PKNOX2: variants seen among roughly 807,000 people sequenced by gnomAD.
PKNOX2 encodes homeobox protein PKNOX2.
A neutral mutation model predicts 53.1 loss-of-function variants in PKNOX2; 14 were observed. The observed-to-expected ratio is 0.26, with a 90% CI of 0.17 to 0.41. PKNOX2 has a LOEUF of 0.41. PKNOX2 is among the 10% of genes least tolerant of loss of function. The pLI is 1.00. For missense variants in PKNOX2, 496 were observed against 602.8 expected (o/e 0.82, Z 1.85); for synonymous variants, 257 against 242.8 (o/e 1.06, Z -0.54).
intron 9 of PKNOX2, 151 bp from the exon 10 acceptor site, chr11:125,411,595 T>A: frequency 8.7e-7 from 1 of 1,145,132 alleles, no homozygotes; most frequent in Non-Finnish European, 1.3e-6. Context: ...GGGGCTGGCA[T>A]GGGCTGAGAG....
chr11:125,380,938 G>A (rs1277363670), intron 5 of PKNOX2, among the ~76,000 whole-genome samples: 1 of 152,194 alleles, frequency 6.6e-6, no homozygotes. Flanking sequence ...CTTTAGGCAG[G>A]TACAGGCTGG....
At chr11:125,315,725 G>A (rs1179416807) in intron 2 of PKNOX2, among the ~76,000 whole-genome samples, 1 of 152,154 alleles carries the variant, frequency 6.6e-6, no homozygotes, top group East Asian at 1.9e-4. Context: ...TCAGTCCAGT[G>A]GTGGCTGGGC....
rs111693855 is a variant in PKNOX2, at chr11:125,200,438, C to T, written c.-200-34607C>T. Among the ~76,000 whole-genome samples, 598 of 152,338 alleles carry T rather than the reference C, an allele frequency of 3.9e-3. 4 individuals carry two copies. The highest frequency in any genetic ancestry group is 0.013 in the African/African-American group (557 of 41,580). ...CTGGCTTTGACTTTGACCCTTCCCT[C>T]GTTTCCTCGTAGCCCAGTGATAGGT... On this transcript the variant is annotated intron_variant, in intron 1 of 12. Coordinates refer to ENST00000298282, the MANE Select transcript of PKNOX2 (RefSeq NM_001382323.2).
intron 1 of PKNOX2, among the ~76,000 whole-genome samples, chr11:125,185,718 T>C (rs1223579160): frequency 1.3e-5 from 2 of 152,240 alleles, no homozygotes; most frequent in Non-Finnish European, 2.9e-5. Flanking sequence ...TAATATTTCA[T>C]TGAATGTAGA....
intron 1 of PKNOX2, among the ~76,000 whole-genome samples, chr11:125,207,191 T>TTC (rs769704652): frequency 6.6e-6 from 1 of 151,788 alleles, no homozygotes; most frequent in Non-Finnish European, 1.5e-5. Context: ...TAGATTCTTC[T>TTC]TCTCTCTCTC....
intron 2 of PKNOX2, among the ~76,000 whole-genome samples, chr11:125,319,186 C>T (rs960547181): frequency 6.6e-6 from 1 of 152,060 alleles, no homozygotes; most frequent in African/African-American, 2.4e-5. Context: ...ATTAATTGAC[C>T]TAATTTTAAT....
intron 2 of PKNOX2, among the ~76,000 whole-genome samples, chr11:125,252,207 C>T (rs1783510802): frequency 6.6e-6 from 1 of 152,210 alleles, no homozygotes; most frequent in Admixed American, 6.5e-5. Context: ...TGGTGAATCA[C>T]ATCCTGGTAG....
In PKNOX2 at chr11:125,431,575, A is replaced by G. The variant is rs1378474161; in HGVS notation, c.*183A>G. 2.0e-5 allele frequency: 14 copies of G among 688,126 alleles called. No homozygotes were observed. Among genetic ancestry groups the G allele is most frequent in the African/African-American group, 1.3e-4 (7 of 55,572 alleles). 42.6% of individuals were successfully genotyped at this position (688,126 alleles called of 1,614,324 possible). A position where few individuals can be genotyped will look rare whatever the true frequency, so the allele number is the denominator to read the frequency against. ...GTTCCTTCCCAACCACCGAGCTTCA[A>G]TGAGGACCCCAGCCCCACTTCCCTG... On this transcript the variant is annotated 3_prime_UTR_variant, in exon 13 of 13. Coordinates refer to ENST00000298282, the MANE Select transcript of PKNOX2 (RefSeq NM_001382323.2).
intron 1 of PKNOX2, among the ~76,000 whole-genome samples, chr11:125,201,261 T>C (rs1938399632): frequency 6.6e-6 from 1 of 152,098 alleles, no homozygotes; most frequent in South Asian, 2.1e-4. Flanking sequence ...AGAGGAGACA[T>C]GCGGGAGCTC....
intron 1 of PKNOX2, among the ~76,000 whole-genome samples, chr11:125,179,534 G>A (rs1956035584): frequency 6.6e-6 from 1 of 152,192 alleles, no homozygotes; most frequent in South Asian, 2.1e-4. Context: ...GGGAGGAAGG[G>A]CTGTGCCTGC....
At chr11:125,409,715 C>T (rs1369147176) in intron 7 of PKNOX2, among the ~76,000 whole-genome samples, 1 of 151,924 alleles carries the variant, frequency 6.6e-6, no homozygotes, top group Admixed American at 6.6e-5. Flanking sequence ...GAGCAGGTGC[C>T]GACCAGGTGA....
At chr11:125,183,643 A>T (rs1956281233) in intron 1 of PKNOX2, among the ~76,000 whole-genome samples, 2 of 151,748 alleles carry the variant, frequency 1.3e-5, no homozygotes. Context: ...TTTTTTTATT[A>T]ACTTTTTTTT....
chr11:125,227,677 A>G (rs1187618234), intron 1 of PKNOX2, among the ~76,000 whole-genome samples: 1 of 152,236 alleles, frequency 6.6e-6, no homozygotes, highest in Non-Finnish European at 1.5e-5. Context: ...CTGTGAATAA[A>G]GCTGCTATGA....
At chr11:125,391,214 C>T (rs999974899) in intron 6 of PKNOX2, among the ~76,000 whole-genome samples, 1 of 152,214 alleles carries the variant, frequency 6.6e-6, no homozygotes, top group African/African-American at 2.4e-5. Context: ...ATCTCTGAGC[C>T]TCAATTTCCT....
In PKNOX2 at chr11:125,351,289, C is replaced by A; in HGVS notation, c.-17C>A. The A allele has an allele frequency of 1.3e-6, 2 of 1,532,284 alleles. No homozygotes were observed. The highest frequency in any genetic ancestry group is 1.7e-5 in the Admixed American group (1 of 58,824). 94.9% of individuals were successfully genotyped at this position (1,532,284 alleles called of 1,614,324 possible). ...CCCCTTTCTCCTGCCCACAGGTCCT[C>A]CATGTGAATCAATCCCATGATGCAA... is the stretch of plus-strand genomic sequence containing the variant. On this transcript the variant is annotated 5_prime_UTR_variant, in exon 4 of 13. Coordinates refer to ENST00000298282, the MANE Select transcript of PKNOX2 (RefSeq NM_001382323.2).
intron 7 of PKNOX2, among the ~76,000 whole-genome samples, chr11:125,405,643 G>A (rs1955041906): frequency 6.6e-6 from 1 of 152,168 alleles, no homozygotes. Flanking sequence ...AAGAATGAGT[G>A]GCAGTCGCAG....
At chr11:125,313,183 C>T (rs1439909177) in intron 2 of PKNOX2, among the ~76,000 whole-genome samples, 2 of 152,106 alleles carry the variant, frequency 1.3e-5, no homozygotes, top group African/African-American at 2.4e-5. Context: ...CGAGGGCACC[C>T]CCAGGTTTGT....
At chr11:125,235,884 C>T (rs954303691) in intron 2 of PKNOX2, among the ~76,000 whole-genome samples, 1 of 152,170 alleles carries the variant, frequency 6.6e-6, no homozygotes, top group Non-Finnish European at 1.5e-5. Flanking sequence ...ATTCCTACTT[C>T]TCAGTCTGCC....
chr11:125,373,978 G>A (rs1183025132), intron 5 of PKNOX2, among the ~76,000 whole-genome samples: 3 of 152,154 alleles, frequency 2.0e-5, no homozygotes, highest in Non-Finnish European at 2.9e-5. Flanking sequence ...GGTGGATGGG[G>A]TGGGAGGAAT....
Sources: gnomAD v4.1 joint callset for allele counts (sites outside exome capture counted in the v4.1 genomes callset) on GRCh38, gnomAD v4.1.1 for gene constraint, MANE v1.5 for transcripts, NCBI Gene and HGNC (gene_info 2026-07-23, HGNC 2026-07-21) for gene names.